Variants in PCDHA4 observed in about 807,000 individuals in gnomAD.
The protein encoded by PCDHA4 is protocadherin alpha 4.
A neutral mutation model predicts 61.4 loss-of-function variants in PCDHA4; 49 were observed. The ratio of observed to expected loss-of-function variants is 0.80; its 90% CI spans 0.63 to 1.01. PCDHA4 has a LOEUF of 1.01. Ranked by LOEUF, PCDHA4 falls within the 50% of genes least tolerant of loss-of-function variation. The pLI is 0.00. For synonymous variants in PCDHA4, 590 were observed against 550.3 expected, an observed-to-expected ratio of 1.07 and a Z score of -1.01; for missense variants, 1,254 against 1,235.8, an observed-to-expected ratio of 1.01 and a Z score of -0.22.
At position 140,915,626 on chromosome 5, in the gene PCDHA4, G is replaced by GTCTCTCTCTC. The variant is rs57920489; in HGVS notation, c.2386-63302_2386-63293dup. 2.5e-3 allele frequency among the ~76,000 whole-genome samples: 366 copies of GTCTCTCTCTC among 146,512 alleles called. 2 individuals carry two copies. Among genetic ancestry groups the GTCTCTCTCTC allele is most frequent in the South Asian group, 3.6e-3 (16 of 4,500 alleles). ...ACTTTCTGTCAAACAGTCTCTTTCT[G>GTCTCTCTCTC]TCTCTCTCTCTCTCTCTCTCTCTCT... On this transcript the variant is annotated intron_variant, in intron 1 of 3. Coordinates refer to ENST00000530339, the MANE Select transcript of PCDHA4 (RefSeq NM_018907.4).
chr5:141,004,715 G>T (rs989871938), intron 3 of PCDHA4, among the ~76,000 whole-genome samples: 2 of 152,162 alleles, frequency 1.3e-5, no homozygotes, highest in African/African-American at 2.4e-5. Flanking sequence ...CGAATCAGAG[G>T]TTTTTAAATA....
intron 3 of PCDHA4, among the ~76,000 whole-genome samples, chr5:140,998,111 T>A (rs1224150326): frequency 1.3e-5 from 2 of 152,108 alleles, no homozygotes; most frequent in African/African-American, 4.8e-5. Flanking sequence ...GAGGAGAAAA[T>A]TTACTTGTGA....
intron 1 of PCDHA4, among the ~76,000 whole-genome samples, chr5:140,945,280 A>G (rs1482777954): frequency 6.6e-6 from 1 of 152,146 alleles, no homozygotes; most frequent in Non-Finnish European, 1.5e-5. Flanking sequence ...ACTTTAAAAC[A>G]TTGATGAAAG....
At chr5:140,948,098 AT>A (rs1400798416) in intron 1 of PCDHA4, among the ~76,000 whole-genome samples, 2 of 151,502 alleles carry the variant, frequency 1.3e-5, no homozygotes, top group African/African-American at 4.8e-5. Flanking sequence ...TGAGCATATG[AT>A]TTTTCTTCGT....
intron 1 of PCDHA4, among the ~76,000 whole-genome samples, chr5:140,937,688 G>A (rs112584533): frequency 0.018 from 2,711 of 151,860 alleles, 77 homozygotes; most frequent in African/African-American, 0.063. Context: ...TGAGGCAGGC[G>A]GATCACGAGG....
chr5:140,828,613 T>C (rs2150157360), intron 1 of PCDHA4: 18 of 1,614,128 alleles, frequency 1.1e-5, no homozygotes, highest in Admixed American at 1.7e-5. Context: ...AACTCAGTTC[T>C]AGCGAATACT....
Position 140,808,029 on chromosome 5 carries a change from T to C in PCDHA4, c.842T>C (p.Phe281Ser), listed in dbSNP as rs894226216. Residue 281 changes from phenylalanine to serine, a missense_variant, in exon 1 of 4, where the codon TTC (phenylalanine) becomes TCC (serine). Coordinates refer to ENST00000530339, the MANE Select transcript of PCDHA4 (RefSeq NM_018907.4). The stretch of plus-strand genomic sequence containing the variant: ...TTGAATGGGGACATTGTTTATTCAT[T>C]CTCAAATGATATTTCGCCAAATGTG... ...EGLNGDIVYS[F>S]SNDISPNVKS... 6.2e-7 allele frequency: 1 copy of C among 1,614,028 alleles called. No individual in the cohort carries two copies. Among genetic ancestry groups the C allele is most frequent in the Non-Finnish European group, 8.5e-7 (1 of 1,179,908 alleles).
At chr5:140,848,492 T>C (rs1781549856) in intron 1 of PCDHA4, 2 of 1,575,612 alleles carry the variant, frequency 1.3e-6, no homozygotes, top group South Asian at 2.3e-5. Flanking sequence ...ACTGAGTATT[T>C]GAAATGTTAT....
intron 1 of PCDHA4, chr5:140,966,644 GCGTGAGCGGT>G (rs1554228519): frequency 3.3e-5 from 37 of 1,127,012 alleles, no homozygotes; most frequent in Non-Finnish European, 4.3e-5. Flanking sequence ...GCTTTCTAGA[GCGTGAGCGGT>G]GGGGGAGCAG....
At chr5:141,009,095 A>G (rs1304233331) in intron 3 of PCDHA4, among the ~76,000 whole-genome samples, 3 of 152,214 alleles carry the variant, frequency 2.0e-5, no homozygotes, top group Admixed American at 6.5e-5. Context: ...AGAACCAAAC[A>G]TATGTTACTA....
intron 1 of PCDHA4, chr5:140,871,192 G>C (rs1582019516): frequency 6.2e-7 from 1 of 1,613,550 alleles, no homozygotes; most frequent in Non-Finnish European, 8.5e-7. Context: ...GGATGTCAAC[G>C]TGTACCTGAT....
chr5:140,954,638 T>C (rs1297767818), intron 1 of PCDHA4, among the ~76,000 whole-genome samples: 2 of 152,212 alleles, frequency 1.3e-5, no homozygotes, highest in Non-Finnish European at 2.9e-5. Flanking sequence ...TTCTTGTAAA[T>C]TTGTTTAAGT....
At position 140,875,871 on chromosome 5, in the gene PCDHA4, C is replaced by G. The variant is rs2055892299; in HGVS notation, c.2385+66299C>G. On this transcript the variant is annotated intron_variant, in intron 1 of 3. Transcript: ENST00000530339. ...ACATTAACGACAACCCGCCGGTGTT[C>G]AGAGAAAGGGAACAAAAGGTACCTG... 3 of 1,614,188 alleles carry G rather than the reference C, an allele frequency of 1.9e-6. No individual in the cohort carries two copies. The highest frequency in any genetic ancestry group is 2.5e-6 in the Non-Finnish European group (3 of 1,180,036).
chr5:140,980,359 C>T (rs369647369), intron 2 of PCDHA4, among the ~76,000 whole-genome samples: 1 of 152,114 alleles, frequency 6.6e-6, no homozygotes. Context: ...GGACTGGGCG[C>T]GGTGGCTCAC....
chr5:140,901,970 G>A (rs1178784932), intron 1 of PCDHA4, among the ~76,000 whole-genome samples: 1 of 151,954 alleles, frequency 6.6e-6, no homozygotes, highest in Non-Finnish European at 1.5e-5. Context: ...TCGTAAATGG[G>A]ATTACTTTTT....
chr5:140,873,821 T>C (rs562633), intron 1 of PCDHA4, among the ~76,000 whole-genome samples: 2,262 of 152,230 alleles, frequency 0.015, 53 homozygotes, highest in African/African-American at 0.052. Context: ...CCACCACTCC[T>C]GGCTAATTTT....
At chr5:140,855,460 A>T (rs2150336256) in intron 1 of PCDHA4, among the ~76,000 whole-genome samples, 1 of 150,080 alleles carries the variant, frequency 6.7e-6, no homozygotes, top group African/African-American at 2.4e-5. Context: ...TAAACACCTC[A>T]CAGATAGTTG....
intron 1 of PCDHA4, among the ~76,000 whole-genome samples, chr5:140,957,274 C>A (rs1251520860): frequency 6.6e-6 from 1 of 152,104 alleles, no homozygotes; most frequent in South Asian, 2.1e-4. Context: ...ACTAGTCCCC[C>A]CTTACCTGCA....
chr5:140,825,459 T>C (rs2150074566), intron 1 of PCDHA4: 1 of 149,426 alleles, frequency 6.7e-6, no homozygotes, highest in South Asian at 2.1e-4. Flanking sequence ...TCAGATATTT[T>C]GATACAGAAT....
Sources: gnomAD v4.1 joint callset for allele counts (sites outside exome capture counted in the v4.1 genomes callset) on GRCh38, gnomAD v4.1.1 for gene constraint, MANE v1.5 for transcripts, NCBI Gene and HGNC (gene_info 2026-07-23, HGNC 2026-07-21) for gene names.